Variants in KATNIP observed in about 807,000 individuals in gnomAD.
The protein encoded by KATNIP is katanin-interacting protein.
KATNIP carries 126 observed loss-of-function variants against 174.0 expected under a neutral mutation model. That is an observed-to-expected ratio of 0.72 (90% CI 0.63 to 0.84). The LOEUF is 0.84. KATNIP is among the 40% of genes least tolerant of loss of function. KATNIP has a pLI of 0.00. For missense variants in KATNIP, 1,958 were observed against 2,109.7 expected, an observed-to-expected ratio of 0.93 and a Z score of 1.41; for synonymous variants, 810 against 835.7, an observed-to-expected ratio of 0.97 and a Z score of 0.53.
chr16:27,727,347 A>T (rs1050903854), intron 14 of KATNIP: 3 of 153,842 alleles, frequency 2.0e-5, no homozygotes, highest in African/African-American at 7.2e-5. Flanking sequence ...CACACCACAC[A>T]CAGCTAGTTT....
At chr16:27,771,496 T>C in intron 21 of KATNIP, 92 bp from the exon 22 acceptor site, 2 of 1,256,492 alleles carry the variant, frequency 1.6e-6, no homozygotes, top group South Asian at 2.7e-5. Flanking sequence ...TAAACTGCCA[T>C]GTTTCTTCAA....
intron 2 of KATNIP, among the ~76,000 whole-genome samples, chr16:27,581,645 A>T (rs1388853372): frequency 6.6e-6 from 1 of 152,154 alleles, no homozygotes; most frequent in Non-Finnish European, 1.5e-5. Context: ...GGTAAAATGA[A>T]TAAGTTGTTT....
chr16:27,592,290 T>C (rs2075198003), intron 2 of KATNIP, among the ~76,000 whole-genome samples: 2 of 138,930 alleles, frequency 1.4e-5, no homozygotes, highest in Admixed American at 7.3e-5. Flanking sequence ...TTTTTTTTTT[T>C]TTTTTTTTTT....
chr16:27,631,217 T>C, intron 5 of KATNIP, 55 bp downstream of exon 5: 1 of 1,351,736 alleles, frequency 7.4e-7, no homozygotes, highest in South Asian at 1.3e-5. Context: ...TGGGTGGCTG[T>C]GGGAATAGAA....
intron 8 of KATNIP, among the ~76,000 whole-genome samples, chr16:27,697,612 A>G (rs1223109351): frequency 2.0e-5 from 3 of 150,144 alleles, no homozygotes; most frequent in African/African-American, 7.3e-5. Flanking sequence ...ATAATTATAC[A>G]AAAATTATAT....
At chr16:27,771,681 C>T in intron 22 of KATNIP, 29 bp downstream of exon 22, 1 of 1,609,798 alleles carries the variant, frequency 6.2e-7, no homozygotes, top group Non-Finnish European at 8.5e-7. Flanking sequence ...CCCACCAGCA[C>T]ATTCTGGGCC....
intron 3 of KATNIP, among the ~76,000 whole-genome samples, chr16:27,625,436 C>T (rs962301973): frequency 6.6e-6 from 1 of 152,194 alleles, no homozygotes; most frequent in African/African-American, 2.4e-5. Context: ...GACCTAGGCT[C>T]CTGCTCCCTC....
At position 27,778,626 on chromosome 16, in the gene KATNIP, C is replaced by T; in HGVS notation, c.4854C>T (p.Cys1618=). 1 of 1,613,688 alleles carries T rather than the reference C, an allele frequency of 6.2e-7. No individual in the cohort carries two copies. Residue 1618 remains cysteine (C), a synonymous_variant, in exon 28 of 28, where the codon TGC becomes TGT. Transcript: ENST00000261588. ...AGAAGGAGACGAGACGACGGCGCTG[C>T]TGACTGGTGAAGGAGGGAGAGCTGG... ...ISEKETRRRR[C]
chr16:27,731,430 G>A (rs1433127735), intron 14 of KATNIP, among the ~76,000 whole-genome samples: 2 of 152,148 alleles, frequency 1.3e-5, no homozygotes, highest in East Asian at 1.9e-4. Flanking sequence ...TGTGGCAAGC[G>A]GTATTTAAAG....
intron 13 of KATNIP, among the ~76,000 whole-genome samples, chr16:27,719,253 G>A (rs978103503): frequency 2.6e-5 from 4 of 152,140 alleles, no homozygotes; most frequent in South Asian, 2.1e-4. Context: ...GGGAAATGGC[G>A]GGCTTCAAGG....
intron 12 of KATNIP, among the ~76,000 whole-genome samples, chr16:27,705,654 T>A (rs2079270017): frequency 1.3e-5 from 2 of 151,282 alleles, no homozygotes; most frequent in African/African-American, 4.9e-5. Flanking sequence ...CATGGAATAG[T>A]TTCTTTATTT....
chr16:27,674,662 T>C (rs1302842849), intron 6 of KATNIP, among the ~76,000 whole-genome samples: 1 of 152,248 alleles, frequency 6.6e-6, no homozygotes, highest in Non-Finnish European at 1.5e-5. Context: ...CTGGAGATTC[T>C]TCACCTAATC....
At chr16:27,741,285 G>A (rs572609874) in intron 15 of KATNIP, among the ~76,000 whole-genome samples, 2 of 152,150 alleles carry the variant, frequency 1.3e-5, no homozygotes, top group East Asian at 3.9e-4. Flanking sequence ...TGTACTGTTA[G>A]AAAAATAGCT....
intron 2 of KATNIP, among the ~76,000 whole-genome samples, chr16:27,581,209 G>A (rs2090685800): frequency 6.6e-6 from 1 of 152,118 alleles, no homozygotes; most frequent in Non-Finnish European, 1.5e-5. Context: ...CTTGATTAAT[G>A]AATATCTAGT....
Position 27,750,167 on chromosome 16 carries a change from C to A in KATNIP, c.3207C>A (p.His1069Gln), listed in dbSNP as rs777225548. 2 of 1,614,022 alleles carry A rather than the reference C, an allele frequency of 1.2e-6. No individual in the cohort carries two copies. Among genetic ancestry groups the A allele is most frequent in the Admixed American group, 3.3e-5 (2 of 59,992 alleles). ...CCATTGACTTCACGCACCCTTGCCA[C>A]GTTGCCCTGATCAGAATTTGGAACT... ...SITIDFTHPC[H>Q]VALIRIWNYN... The change falls in exon 16 of 28, where the codon CAC (histidine) becomes CAA (glutamine). Residue 1069 changes from histidine to glutamine, a missense_variant. Coordinates refer to ENST00000261588, the MANE Select transcript of KATNIP (RefSeq NM_015202.5).
rs76107330 is a variant in KATNIP at position 27,658,718 on chromosome 16, C to A, written c.540+9983C>A. ...GATGGAAGTACAGAAGCAGATAGCC[C>A]CTAAAAATATCTCCTGTACTATAGG... On this transcript the variant is annotated intron_variant, in intron 6 of 27. Coordinates refer to ENST00000261588, the MANE Select transcript of KATNIP (RefSeq NM_015202.5). Among the ~76,000 whole-genome samples, 511 of 152,074 alleles carry A rather than the reference C, an allele frequency of 3.4e-3. 27 individuals carry two copies. In the East Asian group the frequency reaches 0.091, roughly 27 times the overall value.
intron 2 of KATNIP, among the ~76,000 whole-genome samples, chr16:27,587,097 G>T (rs113932325): frequency 2.0e-5 from 3 of 152,150 alleles, no homozygotes; most frequent in African/African-American, 7.2e-5. Flanking sequence ...ACTACTAGCT[G>T]TGTAGTTTTC....
At chr16:27,585,717 T>C (rs943178589) in intron 2 of KATNIP, among the ~76,000 whole-genome samples, 2 of 152,262 alleles carry the variant, frequency 1.3e-5, no homozygotes, top group East Asian at 1.9e-4. Flanking sequence ...GAGCTAAAAA[T>C]TAAACTCATG....
chr16:27,638,252 A>G (rs2142230251), intron 5 of KATNIP, among the ~76,000 whole-genome samples: 1 of 152,334 alleles, frequency 6.6e-6, no homozygotes, highest in African/African-American at 2.4e-5. Flanking sequence ...CCACATGAGC[A>G]GGAACCATGA....
Sources: gnomAD v4.1 joint callset for allele counts (sites outside exome capture counted in the v4.1 genomes callset) on GRCh38, gnomAD v4.1.1 for gene constraint, MANE v1.5 for transcripts, NCBI Gene and HGNC (gene_info 2026-07-23, HGNC 2026-07-21) for gene names.